ADAMTS12: variants seen among roughly 807,000 people sequenced by gnomAD.
The protein encoded by ADAMTS12 is ADAM metallopeptidase with thrombospondin type 1 motif 12.
In ADAMTS12, 118 loss-of-function variants were observed where a neutral mutation model predicts 167.8. The observed-to-expected ratio is 0.70, with a 90% CI of 0.61 to 0.82. The LOEUF is 0.82. Ranked by LOEUF, ADAMTS12 falls within the 40% of genes least tolerant of loss-of-function variation. ADAMTS12 has a pLI of 0.00. For synonymous variants in ADAMTS12, 704 were observed against 716.9 expected, an observed-to-expected ratio of 0.98 and a Z score of 0.29; for missense variants, 1,916 against 1,998.8, an observed-to-expected ratio of 0.96 and a Z score of 0.79.
chr5:33,816,415 G>GA (rs1747655315), intron 2 of ADAMTS12, among the ~76,000 whole-genome samples: 1 of 152,010 alleles, frequency 6.6e-6, no homozygotes, highest in African/African-American at 2.4e-5. Flanking sequence ...TTCAAAACAA[G>GA]AAAAAATATA....
At chr5:33,879,699 T>C (rs1364065713) in intron 2 of ADAMTS12, among the ~76,000 whole-genome samples, 1 of 152,210 alleles carries the variant, frequency 6.6e-6, no homozygotes, top group Admixed American at 6.5e-5. Context: ...AAGCAAGACT[T>C]TCCATTTATT....
chr5:33,680,094 T>C (rs773240916), intron 5 of ADAMTS12, among the ~76,000 whole-genome samples: 2 of 152,234 alleles, frequency 1.3e-5, no homozygotes, highest in Non-Finnish European at 2.9e-5. Flanking sequence ...TTGTGAACTC[T>C]GTGCCAATTA....
intron 2 of ADAMTS12, among the ~76,000 whole-genome samples, chr5:33,759,440 C>A (rs1475307551): frequency 6.6e-6 from 1 of 152,180 alleles, no homozygotes; most frequent in Non-Finnish European, 1.5e-5. Flanking sequence ...AATTTTGTTT[C>A]TCTGAGCCTT....
At chr5:33,767,256 A>G (rs946430640) in intron 2 of ADAMTS12, among the ~76,000 whole-genome samples, 2 of 152,238 alleles carry the variant, frequency 1.3e-5, no homozygotes, top group Non-Finnish European at 2.9e-5. Context: ...ATATAATCAC[A>G]GTCATTCCTG....
chr5:33,860,363 G>T (rs1469406281), intron 2 of ADAMTS12, among the ~76,000 whole-genome samples: 1 of 152,096 alleles, frequency 6.6e-6, no homozygotes, highest in Non-Finnish European at 1.5e-5. Flanking sequence ...ACTTCGTGAA[G>T]CATACACAAG....
At position 33,649,409 on chromosome 5, in the gene ADAMTS12, C is replaced by T; in HGVS notation, c.1334+145G>A. 1.1e-5 allele frequency: 11 copies of T among 993,518 alleles called. 1 individual carries two copies. In the South Asian group the frequency reaches 1.8e-4, roughly 16 times the overall value. The allele number at this position is 993,518 out of a possible 1,614,324, so 61.5% of individuals were successfully genotyped here. On this transcript the variant is annotated intron_variant, in intron 8 of 23. Transcript: ENST00000504830. Reference sequence around the variant, plus strand: ...CAGGATCAGAATGCAGAAGTGAAATCCGCCCCTTCTGATGCCACCCTGACA... The same window carrying T: ...CAGGATCAGAATGCAGAAGTGAAATTCGCCCCTTCTGATGCCACCCTGACA...
rs77525827 is a variant in ADAMTS12, at chr5:33,617,168, G to C, written c.2144-1096C>G. On this transcript the variant is annotated intron_variant, in intron 14 of 23. Transcript: ENST00000504830. ...TCTGCGGTCCCTCTCAGCTCTAATA[G>C]TGAGTGATTTTTCTCTTTTGCAAGT... Among the ~76,000 whole-genome samples the C allele has an allele frequency of 3.1e-3, 468 of 151,812 alleles. 1 individual carries two copies. Among genetic ancestry groups the C allele is most frequent in the Middle Eastern group, 0.014 (4 of 292 alleles).
Position 33,576,629 on chromosome 5 carries a change from G to A in ADAMTS12, c.3397C>T (p.Arg1133Cys), listed in dbSNP as rs777077946. ...TTSGSGLSSS[R>C]NPITWPVTPF... is the part of the protein sequence containing the mutation. ...GTCACAGGCCAAGTGATAGGGTTGC[G>A]GGAAGATGACAAGCCAGAACCACTT... is the stretch of plus-strand genomic sequence containing the variant. Residue 1133 changes from arginine (R) to cysteine (C), a missense_variant, in exon 19 of 24, where the codon CGC (arginine) becomes TGC (cysteine). Arg to Cys is a radical substitution (Grantham distance 180). Transcript: ENST00000504830. 2.4e-5 allele frequency: 39 copies of A among 1,614,084 alleles called. No homozygotes were observed. Among genetic ancestry groups the A allele is most frequent in the Middle Eastern group, 3.3e-4 (2 of 6,084 alleles).
chr5:33,879,702 C>G (rs1214940606), intron 2 of ADAMTS12, among the ~76,000 whole-genome samples: 2 of 152,166 alleles, frequency 1.3e-5, no homozygotes, highest in Admixed American at 6.5e-5. Context: ...CAAGACTTTC[C>G]ATTTATTGTA....
chr5:33,752,925 CA>C (rs1424217621), intron 2 of ADAMTS12, among the ~76,000 whole-genome samples: 1 of 152,178 alleles, frequency 6.6e-6, no homozygotes. Context: ...TCACTGTAGC[CA>C]GTAATGTAAC....
At chr5:33,682,951 C>A in intron 5 of ADAMTS12, 67 bp downstream of exon 5, 1 of 1,346,294 alleles carries the variant, frequency 7.4e-7, no homozygotes, top group Non-Finnish European at 1.0e-6. Context: ...ACCAAGAACT[C>A]CCCTGAAAAA....
chr5:33,828,829 G>T (rs1301965062), intron 2 of ADAMTS12, among the ~76,000 whole-genome samples: 1 of 152,174 alleles, frequency 6.6e-6, no homozygotes, highest in Admixed American at 6.5e-5. Context: ...GGATCTTGTT[G>T]GTGGAGAAGG....
intron 3 of ADAMTS12, among the ~76,000 whole-genome samples, chr5:33,699,962 A>G (rs563429204): frequency 6.6e-6 from 1 of 152,330 alleles, no homozygotes; most frequent in South Asian, 2.1e-4. Flanking sequence ...ATCATTAGCT[A>G]TCAGGGAAAT....
chr5:33,793,431 T>A (rs536656870), intron 2 of ADAMTS12, among the ~76,000 whole-genome samples: 1 of 152,360 alleles, frequency 6.6e-6, no homozygotes, highest in South Asian at 2.1e-4. Flanking sequence ...CTTAAAATAG[T>A]TTAAAACCCT....
intron 16 of ADAMTS12, among the ~76,000 whole-genome samples, chr5:33,607,125 A>C (rs1738481907): frequency 6.6e-6 from 1 of 152,230 alleles, no homozygotes; most frequent in Admixed American, 6.5e-5. Flanking sequence ...GATAAGGATC[A>C]TCTGAAGCAT....
intron 6 of ADAMTS12, among the ~76,000 whole-genome samples, chr5:33,661,193 C>T (rs1280987312): frequency 1.3e-5 from 2 of 152,186 alleles, no homozygotes; most frequent in East Asian, 3.8e-4. Context: ...ATAAGCCCTT[C>T]TTTCATCTAG....
At chr5:33,778,430 GTC>G (rs1745994744) in intron 2 of ADAMTS12, among the ~76,000 whole-genome samples, 1 of 151,720 alleles carries the variant, frequency 6.6e-6, no homozygotes, top group Non-Finnish European at 1.5e-5. Context: ...GGTAAAGACA[GTC>G]TCTTCAATAA....
intron 3 of ADAMTS12, among the ~76,000 whole-genome samples, chr5:33,717,165 G>A (rs1012144596): frequency 1.3e-5 from 2 of 151,676 alleles, no homozygotes; most frequent in Non-Finnish European, 2.9e-5. Flanking sequence ...CAGGAGAGAG[G>A]TGTGGGGCAC....
intron 3 of ADAMTS12, among the ~76,000 whole-genome samples, chr5:33,737,889 G>A (rs1744424665): frequency 6.6e-6 from 1 of 152,066 alleles, no homozygotes; most frequent in Admixed American, 6.6e-5. Flanking sequence ...CCCTACCTTT[G>A]CGCAACATTT....
Sources: allele counts gnomAD v4.1 joint callset (sites outside exome capture counted in the v4.1 genomes callset), GRCh38; gene constraint gnomAD v4.1.1; transcripts MANE v1.5; gene names NCBI Gene and HGNC (gene_info 2026-07-23, HGNC 2026-07-21).